The following IL5RA variants were observed in gnomAD, a reference collection of about 807,000 sequenced individuals.
IL5RA encodes interleukin-5 receptor subunit alpha.
Under a neutral mutation model 50.0 loss-of-function variants are expected in IL5RA, and 49 were observed. That is an observed-to-expected ratio of 0.98 (90% confidence interval 0.78 to 1.24). The LOEUF is 1.24. IL5RA is among the 50% of genes most tolerant of loss of function. The pLI is 0.00. For missense variants in IL5RA, 600 were observed against 500.4 expected, an observed-to-expected ratio of 1.20 and a Z score of -1.90; for synonymous variants, 202 against 174.0, an observed-to-expected ratio of 1.16 and a Z score of -1.26.
intron 11 of IL5RA, 128 bp downstream of exon 11, chr3:3,074,654 C>T (rs1702414841): frequency 1.7e-6 from 1 of 586,822 alleles, no homozygotes; most frequent in East Asian, 3.0e-5. Flanking sequence ...ACTGAAGCAA[C>T]AGAAATGCTC....
In IL5RA at chr3:3,092,169, AC is replaced by A; in HGVS notation, c.994+54del. The A allele has an allele frequency of 6.3e-7, 1 of 1,593,348 alleles. No individual in the cohort carries two copies. The highest frequency in any genetic ancestry group is 8.5e-7 in the Non-Finnish European group (1 of 1,171,336). On this transcript the variant is annotated intron_variant, in intron 9 of 11. Transcript: ENST00000446632. This position sits in a 1 kb window ranked among gnomAD's most constrained non-coding sequence, Gnocchi z 4.2. ...AGTGAACGGGTACGTTTCTGGGATT[AC>A]CTTTTTTGATCACAAGGAAGGCTGC... is the stretch of plus-strand genomic sequence containing the variant.
intron 11 of IL5RA, among the ~76,000 whole-genome samples, chr3:3,072,140 C>T (rs927742521): frequency 2.6e-5 from 4 of 152,214 alleles, no homozygotes; most frequent in Non-Finnish European, 2.9e-5. Context: ...TGGCTTTTGT[C>T]CTTGGACGTG....
intron 9 of IL5RA, among the ~76,000 whole-genome samples, chr3:3,080,583 G>A (rs555761116): frequency 2.8e-4 from 42 of 152,326 alleles, no homozygotes; most frequent in Middle Eastern, 3.4e-3. Context: ...AAGGCTAAGT[G>A]TGCAGGCAGC....
intron 8 of IL5RA, among the ~76,000 whole-genome samples, chr3:3,093,723 G>C (rs908684525): frequency 4.6e-5 from 7 of 152,174 alleles, no homozygotes; most frequent in African/African-American, 1.7e-4. Context: ...AGCTGTACTG[G>C]CTTTTCCTGT....
chr3:3,073,969 G>C (rs538899470), intron 11 of IL5RA: 2 of 259,292 alleles, frequency 7.7e-6, no homozygotes, highest in South Asian at 3.8e-5. Context: ...AAACCAATCA[G>C]ATAGTCCAGA....
chr3:3,085,914 G>A (rs1702840188), intron 9 of IL5RA, among the ~76,000 whole-genome samples: 1 of 148,066 alleles, frequency 6.8e-6, no homozygotes, highest in Non-Finnish European at 1.5e-5. Context: ...GCCCCTGTCT[G>A]CTGTGACCTC....
intron 5 of IL5RA, among the ~76,000 whole-genome samples, chr3:3,099,858 C>T (rs1283806045): frequency 2.6e-5 from 4 of 151,628 alleles, no homozygotes; most frequent in Admixed American, 6.6e-5. Flanking sequence ...TTAGTAGAGA[C>T]GGGGTTTCAC....
intron 1 of IL5RA, among the ~76,000 whole-genome samples, chr3:3,109,351 G>A (rs981850341): frequency 6.6e-6 from 1 of 152,062 alleles, no homozygotes; most frequent in Non-Finnish European, 1.5e-5. Flanking sequence ...TAGATAAAGT[G>A]CCTCTCTCTA....
intron 9 of IL5RA, among the ~76,000 whole-genome samples, chr3:3,088,440 A>C (rs1702962155): frequency 6.6e-6 from 1 of 152,186 alleles, no homozygotes; most frequent in African/African-American, 2.4e-5. Context: ...TCCTTCTGAC[A>C]ATCTAAATTT....
chr3:3,080,032 G>A (rs552159841), intron 9 of IL5RA, among the ~76,000 whole-genome samples: 14 of 150,776 alleles, frequency 9.3e-5, no homozygotes, highest in South Asian at 2.1e-4. Context: ...ACACTGTCTC[G>A]AAAAAAAAGA....
intron 10 of IL5RA, among the ~76,000 whole-genome samples, chr3:3,075,287 C>G (rs966670289): frequency 7.1e-6 from 1 of 140,512 alleles, no homozygotes; most frequent in Non-Finnish European, 1.5e-5. Flanking sequence ...ATTGCAATCT[C>G]CACCTCTCGG....
intron 3 of IL5RA, among the ~76,000 whole-genome samples, chr3:3,104,667 G>A (rs907225133): frequency 2.6e-5 from 4 of 152,078 alleles, no homozygotes; most frequent in African/African-American, 4.8e-5. Flanking sequence ...CATGGTGCCC[G>A]GACACCCACA....
intron 10 of IL5RA, among the ~76,000 whole-genome samples, chr3:3,075,203 CTTTTTTTTTTT>C (rs10642608): frequency 2.9e-5 from 2 of 69,974 alleles, no homozygotes; most frequent in South Asian, 1.2e-3. Context: ...AGTTTACTTA[CTTTTTTTTTTT>C]TTTTTTTTTT....
chr3:3,079,630 T>C (rs58496359), intron 9 of IL5RA, among the ~76,000 whole-genome samples: 1,837 of 152,304 alleles, frequency 0.012, 38 homozygotes, highest in African/African-American at 0.041. Flanking sequence ...AGTTGAAATA[T>C]ATAATCCATA....
At position 3,101,802 on chromosome 3, in the gene IL5RA, C is replaced by T. The variant is rs758033906; in HGVS notation, c.257G>A (p.Cys86Tyr). The change falls in exon 5 of 12, where the codon TGT becomes TAT. Residue 86 changes from cysteine (C) to tyrosine (Y), a missense_variant. Cys to Tyr is a radical substitution (Grantham distance 194). Coordinates refer to ENST00000446632, the MANE Select transcript of IL5RA (RefSeq NM_175726.4). ...DYETRITESK[C>Y]VTILHKGFSA... The stretch of plus-strand genomic sequence containing the variant: ...AAAGCCTTTGTGGAGGATGGTTACA[C>T]ATTTGCTTTCAGTGATTCTGGTTTC... The T allele has an allele frequency of 1.9e-6, 3 of 1,613,978 alleles. No homozygotes were observed. The highest frequency in any genetic ancestry group is 1.1e-5 in the South Asian group (1 of 91,054).
intron 5 of IL5RA, among the ~76,000 whole-genome samples, chr3:3,099,352 G>C (rs757260869): frequency 4.6e-5 from 7 of 152,098 alleles, no homozygotes; most frequent in Non-Finnish European, 8.8e-5. Flanking sequence ...ATAAAAATTA[G>C]GTGTGGTGGC....
chr3:3,099,439 G>A (rs976943374), intron 5 of IL5RA, among the ~76,000 whole-genome samples: 4 of 152,024 alleles, frequency 2.6e-5, no homozygotes, highest in African/African-American at 9.7e-5. Flanking sequence ...AACAAGACTG[G>A]GCAACATGGC....
At chr3:3,079,854 T>A (rs768108590) in intron 9 of IL5RA, among the ~76,000 whole-genome samples, 11 of 152,074 alleles carry the variant, frequency 7.2e-5, no homozygotes, top group Non-Finnish European at 1.3e-4. Flanking sequence ...GCCAACATGG[T>A]GAAAGCCCAT....
Position 3,072,524 on chromosome 3 carries a change from G to A in IL5RA, c.1177-2213C>T, listed in dbSNP as rs898495774. ...TATACCAGTTTATTTCACCAACTTC[G>A]GAATATTAAAGGAAATCTTTTGGGG... On this transcript the variant is annotated intron_variant, in intron 11 of 11. Coordinates refer to ENST00000446632, the MANE Select transcript of IL5RA (RefSeq NM_175726.4). Among the ~76,000 whole-genome samples the A allele has an allele frequency of 4.6e-5, 7 of 152,140 alleles. No individual in the cohort carries two copies. The South Asian group carries it at 6.2e-4, about 14-fold the overall frequency.
Sources: allele counts gnomAD v4.1 joint callset (sites outside exome capture counted in the v4.1 genomes callset), GRCh38; gene constraint gnomAD v4.1.1; non-coding constraint Gnocchi (gnomAD v3.1); transcripts MANE v1.5; gene names NCBI Gene and HGNC (gene_info 2026-07-23, HGNC 2026-07-21).